The following ZNF385D variants were observed in gnomAD, a reference collection of about 807,000 sequenced individuals.
The protein encoded by ZNF385D is zinc finger protein 385D.
In ZNF385D, 15 loss-of-function variants were observed where a neutral mutation model predicts 35.8. The observed-to-expected ratio is 0.42, with a 90% confidence interval of 0.28 to 0.64. The LOEUF is 0.64. ZNF385D is among the 30% of genes least tolerant of loss of function. ZNF385D has a pLI of 0.23. For missense variants in ZNF385D, 474 were observed against 494.6 expected (o/e 0.96, Z 0.39); for synonymous variants, 212 against 186.8 (o/e 1.13, Z -1.10).
chr3:21,983,084 T>C lies in ZNF385D; in HGVS notation c.325+185733A>G, dbSNP rs1051150962. Among the ~76,000 whole-genome samples the C allele has an allele frequency of 2.6e-5, 4 of 151,978 alleles. No homozygotes were observed. The East Asian group carries it at 7.7e-4, about 29-fold the overall frequency. On this transcript the variant is annotated intron_variant, in intron 3 of 5. Coordinates refer to the ZNF385D transcript ENST00000494108. ...GTTGTGTCTTTGCCAGGTTTGGGTA[T>C]CAAGATGTTGTTGGCCTCATAGAAT...
intron 2 of ZNF385D, among the ~76,000 whole-genome samples, chr3:22,288,881 C>T (rs1702155698): frequency 6.6e-6 from 1 of 152,098 alleles, no homozygotes; most frequent in African/African-American, 2.4e-5. Flanking sequence ...CCAATCCATC[C>T]AGTCAGAGAT....
intron 2 of ZNF385D, among the ~76,000 whole-genome samples, chr3:22,306,676 G>T (rs1049514184): frequency 1.3e-5 from 2 of 152,092 alleles, no homozygotes; most frequent in African/African-American, 2.4e-5. Context: ...TTCTGATATG[G>T]CTGCAATGTA....
chr3:21,950,806 C>G (rs1702028309), intron 3 of ZNF385D, among the ~76,000 whole-genome samples: 1 of 151,746 alleles, frequency 6.6e-6, no homozygotes, highest in South Asian at 2.1e-4. Context: ...AATAAGGAAT[C>G]ATTTCCCCAT....
chr3:21,711,038 A>ATTTTTTTTTTTTT (rs562190313), intron 1 of ZNF385D, among the ~76,000 whole-genome samples: 16 of 55,826 alleles, frequency 2.9e-4, no homozygotes, highest in African/African-American at 6.6e-4. Context: ...TCCCTCTAAA[A>ATTTTTTTTTTTTT]GTTTTTTTTT....
chr3:22,302,776 C>A (rs1434604397), intron 2 of ZNF385D, among the ~76,000 whole-genome samples: 2 of 151,908 alleles, frequency 1.3e-5, no homozygotes, highest in Non-Finnish European at 2.9e-5. Flanking sequence ...TTTAATGTTA[C>A]TTTGAAAGGC....
chr3:22,264,613 C>G (rs1393671516), intron 2 of ZNF385D, among the ~76,000 whole-genome samples: 1 of 151,852 alleles, frequency 6.6e-6, no homozygotes, highest in Non-Finnish European at 1.5e-5. Flanking sequence ...TAACCATATG[C>G]GGTGAAATAT....
intron 3 of ZNF385D, among the ~76,000 whole-genome samples, chr3:22,151,411 G>T (rs1409770075): frequency 6.6e-6 from 1 of 152,150 alleles, no homozygotes; most frequent in Non-Finnish European, 1.5e-5. Context: ...GACATTGTGG[G>T]TTGAGGAGGT....
intron 3 of ZNF385D, among the ~76,000 whole-genome samples, chr3:22,100,925 T>C (rs1227877721): frequency 6.6e-6 from 1 of 151,802 alleles, no homozygotes; most frequent in Non-Finnish European, 1.5e-5. Context: ...ATTTTAGAAA[T>C]ATATAAAATA....
chr3:21,845,040 GAGAAA>G (rs1205513192), intron 3 of ZNF385D, among the ~76,000 whole-genome samples: 1 of 151,848 alleles, frequency 6.6e-6, no homozygotes, highest in East Asian at 1.9e-4. Flanking sequence ...AAAGAAAAAA[GAGAAA>G]AGAAATGTTA....
At chr3:22,303,285 A>G (rs1426110985) in intron 2 of ZNF385D, among the ~76,000 whole-genome samples, 1 of 152,148 alleles carries the variant, frequency 6.6e-6, no homozygotes, top group Non-Finnish European at 1.5e-5. Context: ...CCCATTGTCA[A>G]TGAGATTTCC....
chr3:21,813,239 G>T (rs1193995308), intron 3 of ZNF385D, among the ~76,000 whole-genome samples: 3 of 112,174 alleles, frequency 2.7e-5, no homozygotes, highest in Admixed American at 8.5e-5. Context: ...CACAAAGATG[G>T]GGAGAAACCA....
intron 3 of ZNF385D, among the ~76,000 whole-genome samples, chr3:21,903,782 A>G (rs1242737911): frequency 3.3e-5 from 5 of 152,130 alleles, no homozygotes; most frequent in Non-Finnish European, 5.9e-5. Context: ...AAGATTAAAT[A>G]TGGCATTCAA....
chr3:21,424,546 C>T (rs892852022), intron 6 of ZNF385D, among the ~76,000 whole-genome samples: 9 of 150,554 alleles, frequency 6.0e-5, no homozygotes, highest in Non-Finnish European at 1.0e-4. Flanking sequence ...AACTCTTGAC[C>T]TCTTGATACA....
chr3:22,231,153 G>C (rs928186961), intron 2 of ZNF385D, among the ~76,000 whole-genome samples: 1 of 152,060 alleles, frequency 6.6e-6, no homozygotes, highest in Non-Finnish European at 1.5e-5. Context: ...AATAAAGAAA[G>C]AAATAGCCAA....
chr3:21,759,030 G>T (rs1348727710), intron 3 of ZNF385D, among the ~76,000 whole-genome samples: 2 of 112,272 alleles, frequency 1.8e-5, no homozygotes, highest in Non-Finnish European at 3.5e-5. Flanking sequence ...ATTGTAACAA[G>T]TCCTGAACTC....
At chr3:21,819,463 G>A (rs1052805869) in intron 3 of ZNF385D, among the ~76,000 whole-genome samples, 4 of 150,778 alleles carry the variant, frequency 2.7e-5, no homozygotes, top group African/African-American at 7.3e-5. Context: ...AAAAAATCTA[G>A]GGCTGTTAAT....
chr3:21,968,433 G>C (rs1441537961), intron 3 of ZNF385D, among the ~76,000 whole-genome samples: 1 of 152,142 alleles, frequency 6.6e-6, no homozygotes, highest in Admixed American at 6.5e-5. Flanking sequence ...ATCAGCCTAG[G>C]AAGCCAAGGG....
chr3:21,848,112 T>G (rs1455224342), intron 3 of ZNF385D, among the ~76,000 whole-genome samples: 2 of 152,050 alleles, frequency 1.3e-5, no homozygotes, highest in African/African-American at 4.8e-5. Context: ...CTTAGCCCAA[T>G]TGACTTATTT....
chr3:22,259,350 A>T (rs1396346082), intron 2 of ZNF385D, among the ~76,000 whole-genome samples: 1 of 151,694 alleles, frequency 6.6e-6, no homozygotes, highest in East Asian at 1.9e-4. Flanking sequence ...GAATTTTATC[A>T]TTCATAGCAA....
Sources: allele counts gnomAD v4.1 joint callset (sites outside exome capture counted in the v4.1 genomes callset), GRCh38; gene constraint gnomAD v4.1.1; transcripts MANE v1.5; gene names NCBI Gene and HGNC (gene_info 2026-07-23, HGNC 2026-07-21).